CHD9: variants seen among roughly 807,000 people sequenced by gnomAD.
CHD9 encodes the protein ATP-dependent chromatin remodeler CHD9.
In CHD9, 77 loss-of-function variants were observed where a neutral mutation model predicts 316.1. The observed-to-expected ratio is 0.24, with a 90% CI of 0.20 to 0.29. The LOEUF is 0.29. Ranked by LOEUF, CHD9 falls within the 10% of genes least tolerant of loss-of-function variation. The pLI is 1.00. For missense variants in CHD9, 2,763 were observed against 3,438.1 expected, an observed-to-expected ratio of 0.80 and a Z score of 4.91; for synonymous variants, 1,129 against 1,158.3, an observed-to-expected ratio of 0.97 and a Z score of 0.51.
At chr16:53,103,370 G>A (rs7204726) in intron 1 of CHD9, among the ~76,000 whole-genome samples, 105,876 of 151,836 alleles carry the variant, frequency 0.7, 37,185 homozygotes, top group East Asian at 0.82. Context: ...ATTTGCAGAA[G>A]AATTGAGTAG....
intron 2 of CHD9, among the ~76,000 whole-genome samples, chr16:53,180,692 TGATA>T (rs1268203741): frequency 7.9e-5 from 12 of 152,126 alleles, no homozygotes; most frequent in Non-Finnish European, 1.5e-4. Flanking sequence ...TATTTTTTTT[TGATA>T]CAGTCTCGCT....
intron 1 of CHD9, among the ~76,000 whole-genome samples, chr16:53,067,414 G>C (rs1030588779): frequency 1.3e-5 from 2 of 151,982 alleles, no homozygotes; most frequent in Admixed American, 6.6e-5. Context: ...TCTGTCCCAG[G>C]ATCCCATCCA....
chr16:53,233,435 GTTCACC>G (rs1339464486), intron 10 of CHD9, among the ~76,000 whole-genome samples: 9 of 152,170 alleles, frequency 5.9e-5, no homozygotes, highest in African/African-American at 2.2e-4. Flanking sequence ...ATGAGTTCTT[GTTCACC>G]TTTCTGTCAG....
chr16:53,310,854 A>AAATAAT (rs1207547526), intron 34 of CHD9: 4 of 101,502 alleles, frequency 3.9e-5, no homozygotes, highest in East Asian at 5.2e-4. Context: ...CCTGTCTCAA[A>AAATAAT]AACAATAATA....
chr16:53,210,469 G>T (rs2046243604), intron 3 of CHD9, among the ~76,000 whole-genome samples: 1 of 152,120 alleles, frequency 6.6e-6, no homozygotes, highest in Non-Finnish European at 1.5e-5. Flanking sequence ...TTAATCCTAT[G>T]TATTTTACTG....
rs144371676 is a variant in CHD9, at chr16:53,327,007, A to T, written c.*2112A>T. 1 of 152,458 alleles carries T rather than the reference A, an allele frequency of 6.6e-6. No homozygotes were observed. Among genetic ancestry groups the T allele is most frequent in the Non-Finnish European group, 1.5e-5 (1 of 67,936 alleles). 9.4% of individuals were successfully genotyped at this position (152,458 alleles called of 1,614,324 possible). A position where few individuals can be genotyped will look rare whatever the true frequency, so the allele number is the denominator to read the frequency against. On this transcript the variant is annotated 3_prime_UTR_variant, in exon 39 of 39. Coordinates refer to ENST00000447540, the MANE Select transcript of CHD9 (RefSeq NM_001308319.2). ...CATCCTAGTGATTCTCTTTCTATAT[A>T]ATAAGGCAATTACAGTTTTCAAAGC...
chr16:53,252,325 G>T (rs1056265999), intron 17 of CHD9, among the ~76,000 whole-genome samples: 2 of 152,132 alleles, frequency 1.3e-5, no homozygotes, highest in Non-Finnish European at 2.9e-5. Context: ...TCAACAAATG[G>T]TGCTGGGATA....
At chr16:53,173,191 A>T (rs1281718648) in intron 2 of CHD9, among the ~76,000 whole-genome samples, 10 of 152,102 alleles carry the variant, frequency 6.6e-5, no homozygotes, top group Admixed American at 5.9e-4. Flanking sequence ...GAATATTTTT[A>T]ATTATAAATT....
chr16:53,272,907 G>A (rs989144175), intron 22 of CHD9, among the ~76,000 whole-genome samples: 1 of 152,070 alleles, frequency 6.6e-6, no homozygotes, highest in South Asian at 2.1e-4. Context: ...TGGCCAACAT[G>A]GTGAAACCCT....
Position 53,206,353 on chromosome 16 carries a change from C to T in CHD9, c.1453-3129C>T, listed in dbSNP as rs565006449. ...GTTGATTTCTACACTTTTGAAAGGG[C>T]ACCGGGAAAAAAAAAAAAAAACCAT... On this transcript the variant is annotated intron_variant, in intron 2 of 38. Transcript: ENST00000447540. Among the ~76,000 whole-genome samples the T allele has an allele frequency of 2.5e-3, 324 of 130,830 alleles. 2 individuals carry two copies. Among genetic ancestry groups the T allele is most frequent in the African/African-American group, 9.7e-3 (311 of 32,032 alleles). The allele number at this position is 130,830 out of a possible 152,430, so 85.8% of individuals were successfully genotyped here. A position where few individuals can be genotyped will look rare whatever the true frequency, so the allele number is the denominator to read the frequency against.
chr16:53,291,817 A>C (rs1344324882), intron 28 of CHD9, 50 bp downstream of exon 28: 1 of 1,151,048 alleles, frequency 8.7e-7, no homozygotes, highest in African/African-American at 1.6e-5. Context: ...TTCACATTCT[A>C]ATCATACCAT....
At chr16:53,180,216 A>G (rs1045220246) in intron 2 of CHD9, among the ~76,000 whole-genome samples, 1 of 151,982 alleles carries the variant, frequency 6.6e-6, no homozygotes, top group African/African-American at 2.4e-5. Flanking sequence ...CATGTTAGCC[A>G]GGCTGGCCTC....
chr16:53,141,082 A>C (rs558669830), intron 1 of CHD9, among the ~76,000 whole-genome samples: 2 of 152,332 alleles, frequency 1.3e-5, no homozygotes, highest in South Asian at 4.1e-4. Context: ...AAAACCTTAC[A>C]TGAAAGCTCA....
chr16:53,191,845 T>C (rs1388907885), intron 2 of CHD9, among the ~76,000 whole-genome samples: 1 of 152,166 alleles, frequency 6.6e-6, no homozygotes, highest in Non-Finnish European at 1.5e-5. Context: ...AATTGTGACC[T>C]TTCAAAAGTG....
intron 2 of CHD9, among the ~76,000 whole-genome samples, chr16:53,204,150 A>G (rs1157510515): frequency 6.2e-5 from 9 of 144,614 alleles, no homozygotes; most frequent in South Asian, 2.3e-4. Context: ...GTGTGTGTGT[A>G]TAACCTTCAC....
chr16:53,090,138 C>G (rs1027625572), intron 1 of CHD9, among the ~76,000 whole-genome samples: 3 of 152,140 alleles, frequency 2.0e-5, no homozygotes, highest in African/African-American at 7.2e-5. Flanking sequence ...AAAGAGTCTT[C>G]CAAAAACCGG....
intron 1 of CHD9, among the ~76,000 whole-genome samples, chr16:53,101,273 C>CTTT (rs1012377760): frequency 2.2e-4 from 27 of 124,856 alleles, no homozygotes; most frequent in East Asian, 4.6e-4. Flanking sequence ...TTTTCCTTTT[C>CTTT]TTTTTTTTTT....
chr16:53,143,480 C>T (rs939438553), intron 1 of CHD9, among the ~76,000 whole-genome samples: 3 of 151,782 alleles, frequency 2.0e-5, no homozygotes, highest in East Asian at 1.9e-4. Context: ...CTCCGCCTCC[C>T]GGGTTCATAC....
intron 1 of CHD9, among the ~76,000 whole-genome samples, chr16:53,115,402 T>C (rs901698913): frequency 6.6e-6 from 1 of 152,388 alleles, no homozygotes; most frequent in African/African-American, 2.4e-5. Context: ...GAGCAGGGTC[T>C]GAGCAAAGAT....
Sources: gnomAD v4.1 joint callset for allele counts (sites outside exome capture counted in the v4.1 genomes callset) on GRCh38, gnomAD v4.1.1 for gene constraint, MANE v1.5 for transcripts, NCBI Gene and HGNC (gene_info 2026-07-23, HGNC 2026-07-21) for gene names.